The following CNTN5 variants were observed in gnomAD, a reference collection of about 807,000 sequenced individuals.
CNTN5 encodes the protein contactin 5.
Under a neutral mutation model 129.1 loss-of-function variants are expected in CNTN5, and 77 were observed. The observed-to-expected ratio is 0.60, with a 90% CI of 0.50 to 0.72. The LOEUF (loss-of-function observed/expected upper bound fraction) is 0.72, where lower values mean the gene tolerates loss of function less well. Ranked by LOEUF, CNTN5 falls within the 30% of genes least tolerant of loss-of-function variation. The pLI, the probability that CNTN5 is intolerant of heterozygous loss-of-function variation, is 0.00. For synonymous variants in CNTN5, 509 were observed against 465.6 expected (o/e 1.09, Z -1.20); for missense variants, 1,478 against 1,328.8 (o/e 1.11, Z -1.75).
At chr11:99,306,863 C>A (rs902960944) in intron 1 of CNTN5, among the ~76,000 whole-genome samples, 2 of 151,748 alleles carry the variant, frequency 1.3e-5, no homozygotes, top group South Asian at 2.1e-4. Flanking sequence ...GTGCTAAGTA[C>A]AACATATTAA....
intron 2 of CNTN5, among the ~76,000 whole-genome samples, chr11:99,459,051 G>GT (rs1414477434): frequency 6.6e-6 from 1 of 152,022 alleles, no homozygotes; most frequent in South Asian, 2.1e-4. Context: ...CTACTAAAAT[G>GT]TTTTTGACAG....
intron 2 of CNTN5, among the ~76,000 whole-genome samples, chr11:99,396,183 G>GT (rs5793987): frequency 1 from 151,279 of 151,484 alleles, 75,538 homozygotes; most frequent in Middle Eastern, 1. Flanking sequence ...ATCATGGAAT[G>GT]TTTTTTTCAT....
At chr11:99,774,871 A>T (rs1276014573) in intron 3 of CNTN5, among the ~76,000 whole-genome samples, 1 of 152,106 alleles carries the variant, frequency 6.6e-6, no homozygotes, top group African/African-American at 2.4e-5. Flanking sequence ...TATTAAAAAA[A>T]AATTTTCTTT....
intron 9 of CNTN5, among the ~76,000 whole-genome samples, chr11:100,037,486 A>C (rs1189499321): frequency 5.3e-5 from 8 of 151,284 alleles, no homozygotes; most frequent in Non-Finnish European, 1.2e-4. Context: ...GCCTCATAAA[A>C]TGAGTTAGGG....
intron 21 of CNTN5, among the ~76,000 whole-genome samples, chr11:100,330,679 C>G (rs1951888475): frequency 6.7e-6 from 1 of 149,762 alleles, no homozygotes; most frequent in Non-Finnish European, 1.5e-5. Flanking sequence ...TTTTAGCCTC[C>G]TTAAACAAAA....
chr11:100,353,715 C>G (rs1338956969), intron 24 of CNTN5, among the ~76,000 whole-genome samples: 1 of 151,614 alleles, frequency 6.6e-6, no homozygotes, highest in Non-Finnish European at 1.5e-5. Context: ...ATATATGCAT[C>G]ATTCTCCAAT....
At chr11:100,192,391 T>A (rs1948519573) in intron 14 of CNTN5, among the ~76,000 whole-genome samples, 2 of 152,034 alleles carry the variant, frequency 1.3e-5, no homozygotes, top group Admixed American at 1.3e-4. Context: ...ACATTTGACT[T>A]CCAGAATGTT....
chr11:99,593,714 T>A (rs1238421939), intron 3 of CNTN5, among the ~76,000 whole-genome samples: 1 of 152,240 alleles, frequency 6.6e-6, no homozygotes, highest in Admixed American at 6.5e-5. Flanking sequence ...ATCCCACCAT[T>A]TAAAAGCTAT....
intron 3 of CNTN5, among the ~76,000 whole-genome samples, chr11:99,704,221 T>G (rs1306614938): frequency 6.6e-6 from 1 of 150,964 alleles, no homozygotes; most frequent in Non-Finnish European, 1.5e-5. Flanking sequence ...CATCCCAGAC[T>G]GGGAATCCAC....
At chr11:99,767,427 A>G (rs548898096) in intron 3 of CNTN5, among the ~76,000 whole-genome samples, 3 of 152,110 alleles carry the variant, frequency 2.0e-5, no homozygotes, top group Non-Finnish European at 4.4e-5. Flanking sequence ...AACACAGCAT[A>G]TATTTTAATG....
intron 1 of CNTN5, among the ~76,000 whole-genome samples, chr11:99,125,132 T>C (rs879710647): frequency 1.1e-4 from 17 of 152,172 alleles, no homozygotes; most frequent in Admixed American, 1.1e-3. Context: ...AACATTATCC[T>C]GATACCAAAA....
chr11:99,683,823 T>A (rs1378949616), intron 3 of CNTN5, among the ~76,000 whole-genome samples: 1 of 151,814 alleles, frequency 6.6e-6, no homozygotes, highest in African/African-American at 2.4e-5. Context: ...TATTTCTAAT[T>A]GGAAATTTTA....
rs148650879 is a variant in CNTN5, at chr11:99,350,399, C to T, written c.-71+24915C>T. Among the ~76,000 whole-genome samples, 574 of 152,118 alleles carry T rather than the reference C, an allele frequency of 3.8e-3. 6 individuals carry two copies. Among genetic ancestry groups the T allele is most frequent in the Middle Eastern group, 0.017 (5 of 294 alleles). ...CTAACCACTTTAGAAAAACTTTGTG[C>T]GTTTACTTATAAATGTAAATATAGA... On this transcript the variant is annotated intron_variant, in intron 2 of 24. Coordinates refer to ENST00000524871, the MANE Select transcript of CNTN5 (RefSeq NM_014361.4).
chr11:99,236,188 C>A (rs1179029934), intron 1 of CNTN5, among the ~76,000 whole-genome samples: 1 of 152,014 alleles, frequency 6.6e-6, no homozygotes, highest in Non-Finnish European at 1.5e-5. Context: ...AGATAAAAAT[C>A]TCCAAAATGA....
chr11:100,034,040 CTG>C (rs1217217733), intron 9 of CNTN5, among the ~76,000 whole-genome samples: 1 of 152,146 alleles, frequency 6.6e-6, no homozygotes, highest in Non-Finnish European at 1.5e-5. Context: ...TTTTTAGAGA[CTG>C]TACTCTCTTA....
chr11:100,040,001 G>A (rs1341846698), intron 9 of CNTN5, among the ~76,000 whole-genome samples: 1 of 152,162 alleles, frequency 6.6e-6, no homozygotes, highest in African/African-American at 2.4e-5. Context: ...GCTTTGTTCT[G>A]TTGCTGGTGA....
intron 9 of CNTN5, among the ~76,000 whole-genome samples, chr11:100,042,923 T>A (rs935098474): frequency 6.6e-6 from 1 of 152,184 alleles, no homozygotes; most frequent in Non-Finnish European, 1.5e-5. Flanking sequence ...TGAACAGATA[T>A]AATTTCAACA....
chr11:100,319,821 G>T (rs1951650445), intron 21 of CNTN5, among the ~76,000 whole-genome samples: 1 of 152,078 alleles, frequency 6.6e-6, no homozygotes, highest in Non-Finnish European at 1.5e-5. Context: ...TTCTGTGCCT[G>T]GCTTATTTCA....
chr11:99,046,550 T>G (rs1864216624), intron 1 of CNTN5, among the ~76,000 whole-genome samples: 1 of 152,184 alleles, frequency 6.6e-6, no homozygotes, highest in Non-Finnish European at 1.5e-5. Flanking sequence ...TTATAAATTA[T>G]TTACCAGTTT....
Sources: allele counts gnomAD v4.1 joint callset (sites outside exome capture counted in the v4.1 genomes callset), GRCh38; gene constraint gnomAD v4.1.1; transcripts MANE v1.5; gene names NCBI Gene and HGNC (gene_info 2026-07-23, HGNC 2026-07-21).